Variants in CDH8 observed in about 807,000 individuals in gnomAD.
The protein encoded by CDH8 is cadherin-8.
CDH8 carries 17 observed loss-of-function variants against 68.1 expected under a neutral mutation model. That is an observed-to-expected ratio of 0.25 (90% CI 0.17 to 0.37). CDH8 has a LOEUF of 0.37. CDH8 is among the 10% of genes least tolerant of loss of function. CDH8 has a pLI of 1.00. For missense variants in CDH8, 763 were observed against 999.3 expected (o/e 0.76, Z 3.19); for synonymous variants, 372 against 365.1 (o/e 1.02, Z -0.21).
At chr16:62,026,541 A>ACCAC (rs1902202404) in intron 1 of CDH8, among the ~76,000 whole-genome samples, 1 of 152,214 alleles carries the variant, frequency 6.6e-6, no homozygotes, top group Non-Finnish European at 1.5e-5. Flanking sequence ...GAACTACTTA[A>ACCAC]CCACCGCTGT....
intron 3 of CDH8, among the ~76,000 whole-genome samples, chr16:61,866,331 C>T (rs559170179): frequency 9.2e-5 from 14 of 152,208 alleles, no homozygotes; most frequent in African/African-American, 3.4e-4. Flanking sequence ...CAAGCACCAA[C>T]TTAGATGCAA....
At chr16:61,707,621 T>C (rs1400504103) in intron 10 of CDH8, among the ~76,000 whole-genome samples, 1 of 152,234 alleles carries the variant, frequency 6.6e-6, no homozygotes, top group Non-Finnish European at 1.5e-5. Flanking sequence ...TGGTAGGTGT[T>C]ACTCAGGTCA....
At chr16:61,664,896 T>G (rs1354729606) in intron 10 of CDH8, among the ~76,000 whole-genome samples, 1 of 152,078 alleles carries the variant, frequency 6.6e-6, no homozygotes, top group Non-Finnish European at 1.5e-5. Flanking sequence ...TATTGATATT[T>G]CGTCCTTGAA....
At chr16:61,942,746 T>C (rs1477965094) in intron 2 of CDH8, among the ~76,000 whole-genome samples, 1 of 152,244 alleles carries the variant, frequency 6.6e-6, no homozygotes, top group Admixed American at 6.5e-5. Flanking sequence ...CATAGTTGGT[T>C]ACTTCTAGTC....
chr16:61,722,366 G>A (rs981761246), intron 9 of CDH8, among the ~76,000 whole-genome samples: 5 of 150,650 alleles, frequency 3.3e-5, no homozygotes, highest in Non-Finnish European at 6.0e-5. Flanking sequence ...CCTCTGTCTA[G>A]TTGCTTGAAT....
chr16:61,676,524 G>T (rs1963915501), intron 10 of CDH8, among the ~76,000 whole-genome samples: 1 of 152,004 alleles, frequency 6.6e-6, no homozygotes, highest in African/African-American at 2.4e-5. Context: ...AAAAGCACAT[G>T]ATCATTTCAA....
At chr16:61,971,193 G>A (rs1028389693) in intron 2 of CDH8, among the ~76,000 whole-genome samples, 2 of 152,090 alleles carry the variant, frequency 1.3e-5, no homozygotes, top group Admixed American at 6.5e-5. Flanking sequence ...TTTGGACTCA[G>A]CCCACCTGCA....
intron 8 of CDH8, among the ~76,000 whole-genome samples, chr16:61,775,658 G>A (rs1396967003): frequency 1.3e-5 from 2 of 151,996 alleles, no homozygotes; most frequent in Non-Finnish European, 2.9e-5. Context: ...TAATTAAAAA[G>A]CTAAGCTAGC....
chr16:61,668,369 C>T (rs1104612), intron 10 of CDH8, among the ~76,000 whole-genome samples: 6,548 of 151,868 alleles, frequency 0.043, 425 homozygotes, highest in East Asian at 0.26. Context: ...TGCTCTTACT[C>T]AAAATGCTCC....
chr16:61,670,649 T>C (rs372606563), intron 10 of CDH8, among the ~76,000 whole-genome samples: 2 of 152,040 alleles, frequency 1.3e-5, no homozygotes, highest in African/African-American at 4.8e-5. Context: ...TAAAAATAAA[T>C]ACCTATACAT....
chr16:61,871,621 C>T (rs1344166768), intron 3 of CDH8, among the ~76,000 whole-genome samples: 1 of 151,102 alleles, frequency 6.6e-6, no homozygotes, highest in Non-Finnish European at 1.5e-5. Context: ...AAATAGGACA[C>T]ACAAAATGAA....
intron 10 of CDH8, among the ~76,000 whole-genome samples, chr16:61,686,817 G>T (rs1050625311): frequency 1.3e-5 from 2 of 151,836 alleles, no homozygotes; most frequent in African/African-American, 4.8e-5. Flanking sequence ...GTATGTGTTT[G>T]GAAATTAGAA....
intron 10 of CDH8, among the ~76,000 whole-genome samples, chr16:61,662,223 C>A (rs186294984): frequency 8.6e-5 from 13 of 151,182 alleles, no homozygotes; most frequent in African/African-American, 2.7e-4. Context: ...TTTACTCATA[C>A]GTTATTCAAC....
chr16:61,729,351 T>C (rs1022881857), intron 8 of CDH8, among the ~76,000 whole-genome samples: 2 of 151,180 alleles, frequency 1.3e-5, no homozygotes, highest in African/African-American at 2.4e-5. Flanking sequence ...CTCAAGAATG[T>C]TTATAAATTT....
intron 2 of CDH8, among the ~76,000 whole-genome samples, chr16:61,923,947 G>C (rs554206108): frequency 6.7e-6 from 1 of 149,868 alleles, no homozygotes; most frequent in Non-Finnish European, 1.5e-5. Context: ...CAGAATCATG[G>C]GTATCAGAAT....
intron 9 of CDH8, among the ~76,000 whole-genome samples, chr16:61,721,561 T>G (rs1472796871): frequency 1.3e-5 from 2 of 150,870 alleles, no homozygotes. Context: ...TACCTTTACT[T>G]CTCTTATTAA....
chr16:61,860,811 C>G (rs1333927531), intron 3 of CDH8, among the ~76,000 whole-genome samples: 1 of 152,084 alleles, frequency 6.6e-6, no homozygotes. Context: ...AATGCCTTCA[C>G]AGAGAAAAAA....
At chr16:61,761,481 T>A (rs1310649729) in intron 8 of CDH8, among the ~76,000 whole-genome samples, 2 of 152,190 alleles carry the variant, frequency 1.3e-5, no homozygotes, top group Non-Finnish European at 2.9e-5. Context: ...CACATGATCC[T>A]TTGAGTTGCA....
At chr16:61,709,733 TAA>T (rs5817305) in intron 10 of CDH8, among the ~76,000 whole-genome samples, 3 of 147,996 alleles carry the variant, frequency 2.0e-5, no homozygotes. Context: ...ATAGAAAGGT[TAA>T]AAAAAAAAAG....
Sources: allele counts gnomAD v4.1 joint callset (sites outside exome capture counted in the v4.1 genomes callset), GRCh38; gene constraint gnomAD v4.1.1; transcripts MANE v1.5; gene names NCBI Gene and HGNC (gene_info 2026-07-23, HGNC 2026-07-21).